The following SMG6 variants were observed in gnomAD, a reference collection of about 807,000 sequenced individuals.
SMG6 encodes SMG6 nonsense mediated mRNA decay factor, also known as telomerase-binding protein EST1A.
A neutral mutation model predicts 142.2 loss-of-function variants in SMG6; 66 were observed. The observed-to-expected ratio is 0.46, with a 90% CI of 0.38 to 0.57. SMG6 has a LOEUF of 0.57. Among genes scored for constraint, SMG6 ranks in the 20% least tolerant of loss-of-function variants. SMG6 has a pLI of 0.00. For synonymous variants in SMG6, 779 were observed against 702.4 expected, an observed-to-expected ratio of 1.11 and a Z score of -1.72; for missense variants, 1,793 against 1,832.0, an observed-to-expected ratio of 0.98 and a Z score of 0.39.
chr17:2,282,290 T>C (rs2074803742), intron 8 of SMG6, among the ~76,000 whole-genome samples: 1 of 151,484 alleles, frequency 6.6e-6, no homozygotes, highest in African/African-American at 2.4e-5. Context: ...GCTACTTTAG[T>C]TCATTCTCGG....
At chr17:2,077,387 G>T (rs1026945714) in intron 15 of SMG6, among the ~76,000 whole-genome samples, 2 of 152,194 alleles carry the variant, frequency 1.3e-5, no homozygotes, top group African/African-American at 4.8e-5. Flanking sequence ...GGAGACCAGG[G>T]GGGGCTTCAC....
At chr17:2,168,732 GTTTT>G (rs987012062) in intron 13 of SMG6, among the ~76,000 whole-genome samples, 8 of 151,572 alleles carry the variant, frequency 5.3e-5, no homozygotes, top group African/African-American at 1.9e-4. Context: ...AACAAAAAAA[GTTTT>G]TTTTGTTTTG....
intron 13 of SMG6, among the ~76,000 whole-genome samples, chr17:2,119,425 C>T (rs1348630313): frequency 6.6e-6 from 1 of 152,052 alleles, no homozygotes; most frequent in Non-Finnish European, 1.5e-5. Context: ...AACTCTTGAC[C>T]TCAAGTGATC....
Position 2,218,254 on chromosome 17 carries a change from A to G in SMG6, c.2869+18238T>C, listed in dbSNP as rs113130182. Reference sequence around the variant, plus strand: ...ACAATTCATTCGTTAGTAAAAAAATAAGATAACCAAATAGGCCAGGCGCGG... The same window carrying G: ...ACAATTCATTCGTTAGTAAAAAAATGAGATAACCAAATAGGCCAGGCGCGG... On this transcript the variant is annotated intron_variant, in intron 10 of 18. Transcript: ENST00000263073. 8.5e-5 allele frequency among the ~76,000 whole-genome samples: 13 copies of G among 152,182 alleles called. 1 individual carries two copies. Among genetic ancestry groups the G allele is most frequent in the African/African-American group, 2.9e-4 (12 of 41,532 alleles).
chr17:2,206,352 G>A (rs564641191), intron 10 of SMG6, among the ~76,000 whole-genome samples: 7 of 151,740 alleles, frequency 4.6e-5, no homozygotes, highest in Non-Finnish European at 5.9e-5. Context: ...TTGGGAGGCC[G>A]AGGCTGGAGA....
chr17:2,234,756 G>A (rs963441062), intron 10 of SMG6, among the ~76,000 whole-genome samples: 2 of 151,400 alleles, frequency 1.3e-5, no homozygotes, highest in East Asian at 2.0e-4. Flanking sequence ...TGCCCAGGCT[G>A]CAGTATAGTT....
At chr17:2,121,856 G>A (rs2069712740) in intron 13 of SMG6, among the ~76,000 whole-genome samples, 1 of 151,924 alleles carries the variant, frequency 6.6e-6, no homozygotes, top group Non-Finnish European at 1.5e-5. Context: ...TTTCTTTTGA[G>A]ATAGTCTCAC....
At chr17:2,206,913 GATA>G (rs2072699119) in intron 10 of SMG6, among the ~76,000 whole-genome samples, 2 of 150,944 alleles carry the variant, frequency 1.3e-5, no homozygotes, top group East Asian at 3.9e-4. Flanking sequence ...TAACGATAAT[GATA>G]ATAATAAAAC....
chr17:2,300,050 G>GGGCCGGGA lies in SMG6; in HGVS notation c.702_703insTCCCGGCC (p.Arg235SerfsTer42). Reference sequence around the variant, plus strand: ...CGCTTTGCGGAGCCCGGCCTCCCGCGGGCTGGGTCGTCGTGGGTTTCCCTC... The same window carrying GGGCCGGGA: ...CGCTTTGCGGAGCCCGGCCTCCCGCGGGCCGGGAGGCTGGGTCGTCGTGGGTTTCCCTC... On this transcript the variant is annotated frameshift_variant, in exon 2 of 19. Coordinates refer to ENST00000263073, the MANE Select transcript of SMG6 (RefSeq NM_017575.5). LOFTEE classifies it high-confidence loss of function. The GGGCCGGGA allele has an allele frequency of 6.2e-7, 1 of 1,614,178 alleles. No homozygotes were observed. The highest frequency in any genetic ancestry group is 8.5e-7 in the Non-Finnish European group (1 of 1,180,026).
At chr17:2,180,126 A>G (rs1461425107) in intron 12 of SMG6, among the ~76,000 whole-genome samples, 1 of 151,888 alleles carries the variant, frequency 6.6e-6, no homozygotes, top group Non-Finnish European at 1.5e-5. Context: ...CTGTCGCTCT[A>G]CTCCTCTCCA....
rs767258243 is a variant in SMG6 at position 2,068,920 on chromosome 17, C to T, written c.3693G>A (p.Glu1231=). Residue 1231 remains glutamate, a synonymous_variant, in exon 16 of 19, where the codon GAG becomes GAA. Transcript: ENST00000263073. This position sits in a 1 kb window ranked among gnomAD's most constrained non-coding sequence, Gnocchi z 6.7. ...RRQEKIQAVL[E]DHSQMRQMEL... is the part of the protein sequence containing the mutation. The stretch of plus-strand genomic sequence containing the variant: ...CCATCTGCCTCATCTGACTGTGGTC[C>T]TCCAGGACAGCCTATGGGGACAGAG... 3.7e-6 allele frequency: 6 copies of T among 1,614,036 alleles called. No individual in the cohort carries two copies. In the South Asian group the frequency reaches 6.6e-5, roughly 18 times the overall value.
intron 10 of SMG6, among the ~76,000 whole-genome samples, chr17:2,220,737 C>A (rs60355329): frequency 0.099 from 15,033 of 152,154 alleles, 835 homozygotes; most frequent in African/African-American, 0.12. Flanking sequence ...CAAATGTTTA[C>A]AAAGAATTTT....
At position 2,286,682 on chromosome 17, in the gene SMG6, C is replaced by T. The variant is rs1459401164; in HGVS notation, c.2338-2947G>A. Among the ~76,000 whole-genome samples the T allele has an allele frequency of 3.9e-5, 6 of 152,008 alleles. 1 individual carries two copies. Among genetic ancestry groups the T allele is most frequent in the East Asian group, 1.9e-4 (1 of 5,198 alleles). ...AAAACGTAGAGGTAAATTTTCCAAA[C>T]CTTGGATTTGGTAATGGTTTCATAG... On this transcript the variant is annotated intron_variant, in intron 6 of 18. Transcript: ENST00000263073.
chr17:2,136,565 G>C (rs2070309884), intron 13 of SMG6, among the ~76,000 whole-genome samples: 1 of 151,996 alleles, frequency 6.6e-6, no homozygotes, highest in African/African-American at 2.4e-5. Flanking sequence ...TCTTTCCAGA[G>C]GAATAGACAC....
At chr17:2,093,959 G>A (rs938502875) in intron 13 of SMG6, among the ~76,000 whole-genome samples, 4 of 152,052 alleles carry the variant, frequency 2.6e-5, no homozygotes, top group African/African-American at 9.7e-5. Flanking sequence ...CAGGCTACTG[G>A]GCTGGCCAAG....
chr17:2,290,444 T>G (rs2075005835), intron 6 of SMG6, among the ~76,000 whole-genome samples: 1 of 152,204 alleles, frequency 6.6e-6, no homozygotes, highest in Non-Finnish European at 1.5e-5. Flanking sequence ...CCTTACACTT[T>G]TCACAAAAAT....
chr17:2,296,198 T>G (rs972237491), intron 4 of SMG6, among the ~76,000 whole-genome samples: 1 of 152,180 alleles, frequency 6.6e-6, no homozygotes, highest in Non-Finnish European at 1.5e-5. Flanking sequence ...CCTAGTCGCT[T>G]CCCACTTTGT....
At chr17:2,094,031 C>T (rs1017471346) in intron 13 of SMG6, among the ~76,000 whole-genome samples, 4 of 152,156 alleles carry the variant, frequency 2.6e-5, no homozygotes, top group Admixed American at 6.6e-5. Flanking sequence ...AGAAAGACTC[C>T]GGACCTAACC....
At chr17:2,241,951 G>T (rs1341660912) in intron 9 of SMG6, among the ~76,000 whole-genome samples, 1 of 152,164 alleles carries the variant, frequency 6.6e-6, no homozygotes, top group African/African-American at 2.4e-5. Context: ...GGGAACACGT[G>T]GCAATGTCTG....
Sources: gnomAD v4.1 joint callset for allele counts (sites outside exome capture counted in the v4.1 genomes callset) on GRCh38, gnomAD v4.1.1 for gene constraint, Gnocchi (gnomAD v3.1) non-coding constraint, MANE v1.5 for transcripts, NCBI Gene and HGNC (gene_info 2026-07-23, HGNC 2026-07-21) for gene names.